Variants in ACSBG1 observed in about 807,000 individuals in gnomAD.
ACSBG1 encodes the protein long-chain-fatty-acid--CoA ligase ACSBG1.
A neutral mutation model predicts 80.2 loss-of-function variants in ACSBG1; 39 were observed. That is an observed-to-expected ratio of 0.49 (90% CI 0.38 to 0.64). The LOEUF is 0.64. Ranked by LOEUF, ACSBG1 falls within the 30% of genes least tolerant of loss-of-function variation. The pLI, the probability that ACSBG1 is intolerant of heterozygous loss-of-function variation, is 0.00. For missense variants in ACSBG1, 828 were observed against 966.4 expected (o/e 0.86, Z 1.90); for synonymous variants, 392 against 379.5 (o/e 1.03, Z -0.38).
Position 78,178,720 on chromosome 15 carries a change from C to A in ACSBG1, c.1596G>T (p.Met532Ile), listed in dbSNP as rs776562974. ...CGATGGCCTCACAAGTCTTGTCCTC[C>A]ATGTTCAGGTAGCCCATGAATATGG... ...GRTIFMGYLNMEDKTCEAIDE... is the reference protein window; with the variant it reads ...GRTIFMGYLNIEDKTCEAIDE... The change falls in exon 11 of 14, where the codon ATG becomes ATT. Residue 532 changes from methionine to isoleucine, a missense_variant. Met to Ile is a conservative substitution (Grantham distance 10). Coordinates refer to ENST00000258873, the MANE Select transcript of ACSBG1 (RefSeq NM_015162.5). This position sits in a 1 kb window ranked among gnomAD's most constrained non-coding sequence, Gnocchi z 4.3. The A allele has an allele frequency of 6.2e-7, 1 of 1,614,154 alleles. No individual in the cohort carries two copies. Among genetic ancestry groups the A allele is most frequent in the Non-Finnish European group, 8.5e-7 (1 of 1,180,024 alleles).
At position 78,169,046 on chromosome 15, in the gene ACSBG1, ACAC is replaced by A. The variant is rs1351210746; in HGVS notation, c.*2395_*2397del. On this transcript the variant is annotated 3_prime_UTR_variant, in exon 14 of 14. Coordinates refer to ENST00000258873, the MANE Select transcript of ACSBG1 (RefSeq NM_015162.5). ...CATTTACATCAGTCACTCTAAATGG[ACAC>A]CACATGAACCTCTGTTTAGAATACC... 4.8e-6 allele frequency: 6 copies of A among 1,238,530 alleles called. No individual in the cohort carries two copies. Among genetic ancestry groups the A allele is most frequent in the Non-Finnish European group, 7.1e-6 (6 of 845,520 alleles). 76.7% of individuals were successfully genotyped at this position (1,238,530 alleles called of 1,614,324 possible).
chr15:78,196,573 C>T (rs1445607620), intron 2 of ACSBG1, among the ~76,000 whole-genome samples: 1 of 152,108 alleles, frequency 6.6e-6, no homozygotes, highest in African/African-American at 2.4e-5. Context: ...AAGAGTTAAA[C>T]ATAAAACTAC....
At chr15:78,194,857 G>T in intron 2 of ACSBG1, 131 bp from the exon 3 acceptor site, 1 of 731,246 alleles carries the variant, frequency 1.4e-6, no homozygotes, top group Non-Finnish European at 2.2e-6. Flanking sequence ...GGCAGGCCAG[G>T]GTAGACTGGG....
chr15:78,168,592 G>A lies in ACSBG1; in HGVS notation c.*2852C>T, dbSNP rs749292276. On this transcript the variant is annotated 3_prime_UTR_variant, in exon 14 of 14. Transcript: ENST00000258873. ...TTTATGAAACTTCTTATTTAGATTCGCTTTTATTTAAATATCCATGACCAA... is the reference window on the plus strand; with the variant it reads ...TTTATGAAACTTCTTATTTAGATTCACTTTTATTTAAATATCCATGACCAA... The A allele has an allele frequency of 7.1e-5, 13 of 182,468 alleles. No homozygotes were observed. Among genetic ancestry groups the A allele is most frequent in the Admixed American group, 6.8e-4 (11 of 16,150 alleles). The allele number at this position is 182,468 out of a possible 1,614,324, so 11.3% of individuals were successfully genotyped here.
At chr15:78,189,906 T>C (rs1255647176) in intron 5 of ACSBG1, among the ~76,000 whole-genome samples, 1 of 151,892 alleles carries the variant, frequency 6.6e-6, no homozygotes, top group African/African-American at 2.4e-5. Context: ...CATACATAAA[T>C]GTGGGATGTT....
chr15:78,207,917 T>TCCCCCCCAACCCCCCCCC, intron 2 of ACSBG1, 85 bp downstream of exon 2: 1 of 876,066 alleles, frequency 1.1e-6, no homozygotes, highest in Non-Finnish European at 1.8e-6. Flanking sequence ...TGTGTGGTGG[T>TCCCCCCCAACCCCCCCCC]CCCCCACACC....
intron 2 of ACSBG1, among the ~76,000 whole-genome samples, chr15:78,205,392 A>G (rs2141364022): frequency 6.6e-6 from 1 of 152,194 alleles, no homozygotes; most frequent in South Asian, 2.1e-4. Flanking sequence ...TACAAGACTC[A>G]AAGAGCTCCC....
intron 11 of ACSBG1, 34 bp from the exon 12 acceptor site, chr15:78,174,558 T>G (rs1266110473): frequency 1.2e-6 from 2 of 1,600,564 alleles, no homozygotes; most frequent in East Asian, 2.2e-5. Flanking sequence ...CGGCACAGAA[T>G]GTAGTCCAGG....
intron 2 of ACSBG1, among the ~76,000 whole-genome samples, chr15:78,194,959 G>A (rs1161735410): frequency 6.6e-6 from 1 of 152,234 alleles, no homozygotes; most frequent in African/African-American, 2.4e-5. Flanking sequence ...GCAAGGAAGA[G>A]GAGAGGAAAT....
intron 1 of ACSBG1, among the ~76,000 whole-genome samples, chr15:78,233,242 G>A (rs923349775): frequency 6.6e-6 from 1 of 152,226 alleles, no homozygotes; most frequent in Non-Finnish European, 1.5e-5. Flanking sequence ...TGGAAGAACA[G>A]GAGTCCACTT....
chr15:78,182,172 C>T, intron 7 of ACSBG1, 27 bp from the exon 8 acceptor site: 1 of 1,598,872 alleles, frequency 6.3e-7, no homozygotes, highest in Non-Finnish European at 8.5e-7. Flanking sequence ...TGGATCCCAG[C>T]AGTGTCCACA....
chr15:78,171,492 C>A lies in ACSBG1; in HGVS notation c.2127G>T (p.Glu709Asp). ...AGGAGTCAATGATACCTTTGTACTT[C>A]TCCAAAACTGTGAGCCGTTTCAGTT... The part of the protein sequence containing the change: ...TMKLKRLTVL[E>D]KYKGIIDSFY... Residue 709 changes from glutamate to aspartate, a missense_variant, in exon 14 of 14, where the codon GAG becomes GAT. Physicochemically the swap from Glu to Asp is conservative, Grantham distance 45. Around this residue, in one of 3 missense-constraint regions of ACSBG1, gnomAD observed 201 missense variants for 227.0 expected, o/e 0.89. Coordinates refer to ENST00000258873, the MANE Select transcript of ACSBG1 (RefSeq NM_015162.5). 6.2e-7 allele frequency: 1 copy of A among 1,614,176 alleles called. No homozygotes were observed. The highest frequency in any genetic ancestry group is 8.5e-7 in the Non-Finnish European group (1 of 1,180,020).
At chr15:78,211,486 G>A (rs1238148173) in intron 1 of ACSBG1, among the ~76,000 whole-genome samples, 3 of 152,354 alleles carry the variant, frequency 2.0e-5, no homozygotes, top group African/African-American at 7.2e-5. Flanking sequence ...CTTTTCACTC[G>A]TCTTTGAGGA....
chr15:78,180,351 T>C (rs1437645916), intron 9 of ACSBG1, among the ~76,000 whole-genome samples: 1 of 152,122 alleles, frequency 6.6e-6, no homozygotes, highest in Non-Finnish European at 1.5e-5. Flanking sequence ...TTGAAAGCTA[T>C]AGAAAGATAG....
At chr15:78,186,963 T>C (rs1472570760) in intron 5 of ACSBG1, among the ~76,000 whole-genome samples, 4 of 151,898 alleles carry the variant, frequency 2.6e-5, no homozygotes, top group Non-Finnish European at 4.4e-5. Context: ...AAGAATCAAA[T>C]AGACACAATA....
intron 1 of ACSBG1, among the ~76,000 whole-genome samples, chr15:78,222,748 T>C (rs1035312732): frequency 2.0e-5 from 3 of 152,086 alleles, no homozygotes; most frequent in Non-Finnish European, 4.4e-5. Flanking sequence ...AGGAAACTGA[T>C]AGAAATGATA....
Position 78,193,596 on chromosome 15 carries a change from G to A in ACSBG1, c.573C>T (p.Ser191=), listed in dbSNP as rs984401439. 1 of 1,613,856 alleles carries A rather than the reference G, an allele frequency of 6.2e-7. No individual in the cohort carries two copies. The highest frequency in any genetic ancestry group is 8.5e-7 in the Non-Finnish European group (1 of 1,179,808). The part of the protein sequence containing the change: ...GGIVTGIYTT[S]SPEACQYIAY... ...CGATGTACTGGCAGGCCTCTGGGGA[G>A]CTGGTGGTGTAGATGCCAGTGACGA... The change falls in exon 5 of 14, where the codon AGC becomes AGT. Residue 191 remains serine (S), a synonymous_variant. Transcript: ENST00000258873.
chr15:78,216,425 G>C lies in ACSBG1; in HGVS notation c.132-8323C>G, dbSNP rs142386376. 3.0e-3 allele frequency among the ~76,000 whole-genome samples: 454 copies of C among 152,270 alleles called. 1 individual carries two copies. Among genetic ancestry groups the C allele is most frequent in the African/African-American group, 9.9e-3 (410 of 41,554 alleles). On this transcript the variant is annotated intron_variant, in intron 1 of 13. Transcript: ENST00000258873. ...TGATTATTTCATGCGAGACAGCATGGGAGGCTAGCGCAGAGGAGAGGACTC... is the reference window on the plus strand; with the variant it reads ...TGATTATTTCATGCGAGACAGCATGCGAGGCTAGCGCAGAGGAGAGGACTC...
rs2074919040 is a variant in ACSBG1 at position 78,179,555 on chromosome 15, C to T, written c.1479G>A (p.Leu493=). 3.7e-6 allele frequency: 6 copies of T among 1,611,728 alleles called. No homozygotes were observed. The highest frequency in any genetic ancestry group is 5.1e-6 in the Non-Finnish European group (6 of 1,177,996). The change falls in exon 10 of 14, where the codon CTG becomes CTA. Residue 493 remains leucine, a synonymous_variant. Coordinates refer to ENST00000258873, the MANE Select transcript of ACSBG1 (RefSeq NM_015162.5). ...GTGGCAGCCTCGAGCCTCACCTGTA[C>T]AGCCGGTAGTTGTAGGGACTGGACA... The part of the protein sequence containing the change: ...HFMSSPYNYR[L]YSSGKLVPGC...
Sources: gnomAD v4.1 joint callset for allele counts (sites outside exome capture counted in the v4.1 genomes callset) on GRCh38, gnomAD v4.1.1 for gene constraint, gnomAD v4.1.1 regional missense constraint, Gnocchi (gnomAD v3.1) non-coding constraint, MANE v1.5 for transcripts, NCBI Gene and HGNC (gene_info 2026-07-23, HGNC 2026-07-21) for gene names.